UBP1: variants seen among roughly 807,000 people sequenced by gnomAD.
UBP1 encodes the protein upstream binding protein 1.
UBP1 carries 22 observed loss-of-function variants against 76.1 expected under a neutral mutation model. That is an observed-to-expected ratio of 0.29 (90% CI 0.21 to 0.41). The LOEUF (loss-of-function observed/expected upper bound fraction) is 0.41. Ranked by LOEUF, UBP1 falls within the 10% of genes least tolerant of loss-of-function variation. The pLI, the probability that UBP1 is intolerant of heterozygous loss-of-function variation, is 1.00. For synonymous variants in UBP1, 224 were observed against 237.1 expected, an observed-to-expected ratio of 0.94 and a Z score of 0.51; for missense variants, 436 against 668.1, an observed-to-expected ratio of 0.65 and a Z score of 3.83.
rs766599088 is a variant in UBP1 at position 33,439,878 on chromosome 3, G to A, written c.-30C>T. 5.0e-6 allele frequency: 8 copies of A among 1,607,778 alleles called. No individual in the cohort carries two copies. The highest frequency in any genetic ancestry group is 6.8e-6 in the Non-Finnish European group (8 of 1,177,558). ...CGGCCTCGCCGTCGCCCCGCACACC[G>A]CGGCCTCCGCGTCCAGGGCGAAGGA... On this transcript the variant is annotated 5_prime_UTR_variant, in exon 1 of 16. Transcript: ENST00000283629.
At chr3:33,411,446 CTATGT>C in intron 5 of UBP1, 130 bp downstream of exon 5, 1 of 696,532 alleles carries the variant, frequency 1.4e-6, no homozygotes, top group Non-Finnish European at 2.4e-6. Context: ...TTAAACCTAA[CTATGT>C]ATATAGAAAG....
At chr3:33,397,002 A>T in intron 12 of UBP1, 43 bp downstream of exon 12, 1 of 1,545,070 alleles carries the variant, frequency 6.5e-7, no homozygotes, top group Non-Finnish European at 8.9e-7. Context: ...ACGCGAAGAA[A>T]GGTACATTCT....
chr3:33,407,219 C>T (rs1341505205), intron 8 of UBP1, among the ~76,000 whole-genome samples: 2 of 152,082 alleles, frequency 1.3e-5, no homozygotes, highest in East Asian at 3.8e-4. Context: ...ATGTGAAATC[C>T]CAGGCCAGTG....
chr3:33,430,993 A>T (rs2045103491), intron 1 of UBP1, among the ~76,000 whole-genome samples: 1 of 152,178 alleles, frequency 6.6e-6, no homozygotes, highest in African/African-American at 2.4e-5. Context: ...TACTCTATTT[A>T]AAGAAATAAA....
Position 33,425,623 on chromosome 3 carries a change from G to C in UBP1, c.232C>G (p.Leu78Val). 4.4e-6 allele frequency: 7 copies of C among 1,579,720 alleles called. No homozygotes were observed. Among genetic ancestry groups the C allele is most frequent in the Non-Finnish European group, 6.1e-6 (7 of 1,154,514 alleles). The change falls in exon 2 of 16, where the codon CTG becomes GTG. Residue 78 changes from leucine (L) to valine (V), a missense_variant. By Grantham distance (32) the Leu-to-Val change is conservative. This residue lies in a region of UBP1 where 161 missense variants were observed against 237.9 expected (regional missense o/e 0.68). Transcript: ENST00000283629. ...AAATAAGTAAGCGTTTCATCATGCA[G>C]TTTTACTGCTGGTGACGTTGCAGCA... The part of the protein sequence containing the change: ...MCAATSPAVK[L>V]HDETLTYLNQ...
chr3:33,420,303 G>A (rs1180597020), intron 2 of UBP1, among the ~76,000 whole-genome samples: 1 of 152,008 alleles, frequency 6.6e-6, no homozygotes. Context: ...TGTTTCTAGG[G>A]ACTTATAGCT....
intron 13 of UBP1, among the ~76,000 whole-genome samples, chr3:33,393,736 TTCA>T (rs2043859094): frequency 6.6e-6 from 1 of 152,208 alleles, no homozygotes; most frequent in Non-Finnish European, 1.5e-5. Context: ...TGAATTTTTC[TTCA>T]TATTTTTATT....
In UBP1 at chr3:33,412,731, G is replaced by C; in HGVS notation, c.439C>G (p.Leu147Val). The change falls in exon 4 of 16, where the codon CTT becomes GTT. Residue 147 changes from leucine (L) to valine (V), a missense_variant. Transcript: ENST00000283629. ...TGATCACTGCCTGTACCTAAATCAA[G>C]AAGTCTGTCTCCTGGGCGATTCCAC... The part of the protein sequence containing the change: ...WKWNRPGDRL[L>V]DLDIPMSVGI... 1.2e-6 allele frequency: 2 copies of C among 1,609,634 alleles called. No homozygotes were observed. The highest frequency in any genetic ancestry group is 1.7e-6 in the Non-Finnish European group (2 of 1,175,950).
intron 3 of UBP1, 118 bp downstream of exon 3, chr3:33,416,640 C>T: frequency 2.7e-6 from 2 of 734,572 alleles, no homozygotes; most frequent in Non-Finnish European, 4.3e-6. Flanking sequence ...CAAAATATAG[C>T]TCATAAAGTT....
intron 8 of UBP1, among the ~76,000 whole-genome samples, chr3:33,404,367 G>A (rs1195653874): frequency 1.3e-5 from 2 of 151,870 alleles, no homozygotes; most frequent in Admixed American, 6.6e-5. Context: ...AGCCGAGATC[G>A]TGCCATTGTA....
At chr3:33,427,878 G>A (rs2045045713) in intron 1 of UBP1, among the ~76,000 whole-genome samples, 1 of 152,116 alleles carries the variant, frequency 6.6e-6, no homozygotes, top group Non-Finnish European at 1.5e-5. Flanking sequence ...CCTGCCTTGG[G>A]GGCAGATATA....
intron 8 of UBP1, chr3:33,403,505 T>TGTCTGTCTGGTCTGTCTATCTA (rs2044311979): frequency 3.0e-5 from 1 of 33,828 alleles, no homozygotes; most frequent in Admixed American, 2.1e-4. Context: ...TCTATCTATC[T>TGTCTGTCTGGTCTGTCTATCTA]ATCTATCTGT....
intron 13 of UBP1, among the ~76,000 whole-genome samples, chr3:33,395,750 G>GAAAAAAAA (rs61654235): frequency 6.0e-3 from 416 of 69,082 alleles, no homozygotes; most frequent in African/African-American, 8.4e-3. Flanking sequence ...CAGGAAAATT[G>GAAAAAAAA]AAAAAAAAAA....
At chr3:33,435,440 C>T (rs2045189560) in intron 1 of UBP1, among the ~76,000 whole-genome samples, 1 of 152,168 alleles carries the variant, frequency 6.6e-6, no homozygotes, top group Admixed American at 6.5e-5. Context: ...AATTTATCAG[C>T]CTGGCCAACA....
chr3:33,403,820 A>T (rs2044335839), intron 8 of UBP1, among the ~76,000 whole-genome samples: 1 of 152,208 alleles, frequency 6.6e-6, no homozygotes, highest in Admixed American at 6.5e-5. Context: ...ACATGGTGTG[A>T]TTTCACTTTA....
At chr3:33,396,423 T>C (rs2043998646) in intron 12 of UBP1, 143 bp from the exon 13 acceptor site, 1 of 583,600 alleles carries the variant, frequency 1.7e-6, no homozygotes, top group Non-Finnish European at 2.9e-6. Flanking sequence ...AATTTACTAA[T>C]AAAAATATAA....
chr3:33,411,761 T>C (rs2044589111), intron 4 of UBP1, 74 bp from the exon 5 acceptor site: 2 of 1,192,276 alleles, frequency 1.7e-6, no homozygotes, highest in Non-Finnish European at 2.5e-6. Context: ...TACTATATTA[T>C]GTTCTAATGA....
At chr3:33,404,485 T>TAA (rs147464429) in intron 8 of UBP1, among the ~76,000 whole-genome samples, 2,035 of 144,410 alleles carry the variant, frequency 0.014, 18 homozygotes, top group South Asian at 0.027. Flanking sequence ...ATAATAGGAT[T>TAA]AAAAAAAAAA....
chr3:33,439,861 C>T lies in UBP1; in HGVS notation c.-13G>A. 1 of 1,610,584 alleles carries T rather than the reference C, an allele frequency of 6.2e-7. No individual in the cohort carries two copies. Among genetic ancestry groups the T allele is most frequent in the Non-Finnish European group, 8.5e-7 (1 of 1,178,968 alleles). ...GCACCCAGGCCATCTTCCGGCCTCG[C>T]CGTCGCCCCGCACACCGCGGCCTCC... On this transcript the variant is annotated 5_prime_UTR_variant, in exon 1 of 16. Transcript: ENST00000283629.
Sources: gnomAD v4.1 joint callset for allele counts (sites outside exome capture counted in the v4.1 genomes callset) on GRCh38, gnomAD v4.1.1 for gene constraint, gnomAD v4.1.1 regional missense constraint, MANE v1.5 for transcripts, NCBI Gene and HGNC (gene_info 2026-07-23, HGNC 2026-07-21) for gene names.